IQCM: variants seen among roughly 807,000 people sequenced by gnomAD.
The protein encoded by IQCM is IQ motif containing M, also known as IQ domain-containing protein M.
Under a neutral mutation model 57.6 loss-of-function variants are expected in IQCM, and 45 were observed. That is an observed-to-expected ratio of 0.78 (90% CI 0.62 to 1.00). The LOEUF (loss-of-function observed/expected upper bound fraction) is 1.00. IQCM is among the 50% of genes least tolerant of loss of function. IQCM has a pLI of 0.00. For missense variants in IQCM, 468 were observed against 511.6 expected (o/e 0.91, Z 0.82); for synonymous variants, 148 against 158.9 (o/e 0.93, Z 0.51).
intron 2 of IQCM, among the ~76,000 whole-genome samples, chr4:149,768,796 G>A (rs1770291510): frequency 6.6e-6 from 1 of 152,058 alleles, no homozygotes; most frequent in Non-Finnish European, 1.5e-5. Flanking sequence ...TTTAGGATAT[G>A]TGAATCCGCT....
In IQCM at chr4:149,487,128, C is replaced by G. The variant is rs1017154291; in HGVS notation, c.1229-53571G>C. 2.0e-5 allele frequency among the ~76,000 whole-genome samples: 3 copies of G among 152,082 alleles called. No homozygotes were observed. The South Asian group carries it at 6.2e-4, about 31-fold the overall frequency. On this transcript the variant is annotated intron_variant, in intron 12 of 13. Transcript: ENST00000636793. ...CTGCTGGTTATTCAAGGCCCAAGAG[C>G]TTTTTAGTCAGCAGGTGATAAATCT...
At chr4:149,502,287 TA>T in intron 12 of IQCM, among the ~76,000 whole-genome samples, 1 of 152,074 alleles carries the variant, frequency 6.6e-6, no homozygotes, top group East Asian at 1.9e-4. Context: ...AATGGATTCT[TA>T]AACCAGAGAT....
intron 12 of IQCM, among the ~76,000 whole-genome samples, chr4:149,541,869 C>T (rs542862845): frequency 1.7e-4 from 26 of 152,152 alleles, no homozygotes; most frequent in African/African-American, 6.0e-4. Context: ...GTTACATATG[C>T]GCTCAGGTGA....
chr4:149,585,203 T>C (rs775203570), intron 9 of IQCM, among the ~76,000 whole-genome samples: 38 of 151,678 alleles, frequency 2.5e-4, no homozygotes, highest in Non-Finnish European at 4.1e-4. Flanking sequence ...CAAAAGTACT[T>C]TAGAAATTAG....
intron 5 of IQCM, among the ~76,000 whole-genome samples, chr4:149,726,142 A>AGAAAGAAAGAGAG (rs10666255): frequency 7.6e-6 from 1 of 131,058 alleles, no homozygotes; most frequent in Non-Finnish European, 1.6e-5. Context: ...AAAGAAAGAA[A>AGAAAGAAAGAGAG]AGAAAGAAAG....
At chr4:149,594,828 T>C (rs1334631068) in intron 8 of IQCM, among the ~76,000 whole-genome samples, 1 of 152,184 alleles carries the variant, frequency 6.6e-6, no homozygotes, top group Non-Finnish European at 1.5e-5. Flanking sequence ...AGACAGTTTG[T>C]TGTAATTTCT....
At chr4:149,625,803 C>T (rs186509288) in intron 7 of IQCM, among the ~76,000 whole-genome samples, 5 of 152,232 alleles carry the variant, frequency 3.3e-5, no homozygotes, top group Admixed American at 3.3e-4. Context: ...TCAATTCTTG[C>T]AGCTTAAAAT....
chr4:149,697,025 G>T (rs78579746), intron 5 of IQCM, among the ~76,000 whole-genome samples: 3,849 of 152,186 alleles, frequency 0.025, 122 homozygotes, highest in South Asian at 0.14. Flanking sequence ...GTCCATCCTA[G>T]AGAATAGAGG....
chr4:149,698,658 T>C (rs983550), intron 5 of IQCM, among the ~76,000 whole-genome samples: 32,226 of 152,034 alleles, frequency 0.21, 4,267 homozygotes, highest in Non-Finnish European at 0.28. Flanking sequence ...ACAACTCTAA[T>C]AAAGACAATG....
At position 149,796,181 on chromosome 4, in the gene IQCM, T is replaced by C. The variant is rs903082449; in HGVS notation, c.-49+19130A>G. Among the ~76,000 whole-genome samples, 4 of 152,116 alleles carry C rather than the reference T, an allele frequency of 2.6e-5. No individual in the cohort carries two copies. The East Asian group carries it at 7.7e-4, about 29-fold the overall frequency. ...GCCCTGGGGACAGAGGGGAGCCCAC[T>C]CCCTTGAAGGGGTGAGATCCAAGAC... On this transcript the variant is annotated intron_variant, in intron 2 of 13. Transcript: ENST00000636793.
chr4:149,511,608 C>T (rs191177603), intron 12 of IQCM, among the ~76,000 whole-genome samples: 2 of 151,752 alleles, frequency 1.3e-5, no homozygotes, highest in Non-Finnish European at 2.9e-5. Context: ...CGTGAGATCT[C>T]CAGTTTGGGT....
intron 13 of IQCM, among the ~76,000 whole-genome samples, chr4:149,404,534 C>T (rs1269224250): frequency 6.6e-6 from 1 of 151,952 alleles, no homozygotes; most frequent in Non-Finnish European, 1.5e-5. Context: ...TGAAAAGTTT[C>T]AATACATGAA....
chr4:149,629,746 A>G (rs1045113662), intron 7 of IQCM, among the ~76,000 whole-genome samples: 6 of 152,152 alleles, frequency 3.9e-5, no homozygotes, highest in African/African-American at 1.4e-4. Flanking sequence ...AAATTATGTT[A>G]AAATTAGGAG....
rs376169803 is a variant in IQCM at position 149,750,765 on chromosome 4, T to C, written c.-48-8026A>G. On this transcript the variant is annotated intron_variant, in intron 2 of 13. Transcript: ENST00000636793. ...ATTTATAAAGCATTCCCCGCTGAGATGTTTGGGACACTATGTTAACAGTTA... is the reference window on the plus strand; with the variant it reads ...ATTTATAAAGCATTCCCCGCTGAGACGTTTGGGACACTATGTTAACAGTTA... Among the ~76,000 whole-genome samples, 20 of 152,210 alleles carry C rather than the reference T, an allele frequency of 1.3e-4. 1 individual carries two copies. The highest frequency in any genetic ancestry group is 9.8e-4 in the Admixed American group (15 of 15,272).
chr4:149,550,189 A>G (rs527696193), intron 11 of IQCM, among the ~76,000 whole-genome samples: 11 of 152,336 alleles, frequency 7.2e-5, no homozygotes, highest in African/African-American at 2.6e-4. Context: ...ATAAAGACCC[A>G]GCACTCAAGG....
Position 149,686,382 on chromosome 4 carries a change from A to T in IQCM, c.472T>A (p.Ser158Thr). 2 of 1,200,224 alleles carry T rather than the reference A, an allele frequency of 1.7e-6. No individual in the cohort carries two copies. Among genetic ancestry groups the T allele is most frequent in the Non-Finnish European group, 2.1e-6 (2 of 959,386 alleles). The allele number at this position is 1,200,224 out of a possible 1,614,324, so 74.3% of individuals were successfully genotyped here. A position where few individuals can be genotyped will look rare whatever the true frequency, so the allele number is the denominator to read the frequency against. The change falls in exon 6 of 14, where the codon TCC (serine) becomes ACC (threonine). Residue 158 changes from serine (S) to threonine (T), a missense_variant. Ser to Thr is a moderately conservative substitution (Grantham distance 58). Coordinates refer to ENST00000636793, the MANE Select transcript of IQCM (RefSeq NM_001363507.2). Reference protein sequence around the residue: ...ETAKQQHFEESRNRMLELLYP... With the variant: ...ETAKQQHFEETRNRMLELLYP... ...GGTTAGCTAATTATACATTACCTGG[A>T]CTCCTCAAAGTGCTGTTGCTTTGCT...
At chr4:149,639,425 T>TAA (rs1284156035) in intron 7 of IQCM, among the ~76,000 whole-genome samples, 5 of 120,416 alleles carry the variant, frequency 4.2e-5, no homozygotes, top group Admixed American at 8.8e-5. Flanking sequence ...GATCCTGTCT[T>TAA]AAAAAAAAAA....
chr4:149,435,351 C>T (rs1735255487), intron 12 of IQCM, among the ~76,000 whole-genome samples: 4 of 151,978 alleles, frequency 2.6e-5, no homozygotes, highest in Admixed American at 2.6e-4. Context: ...GCTAAAATGC[C>T]TAGTGAAGTC....
intron 13 of IQCM, among the ~76,000 whole-genome samples, chr4:149,399,712 G>A (rs1349781806): frequency 2.2e-4 from 34 of 152,198 alleles, no homozygotes; most frequent in Non-Finnish European, 4.4e-5. Flanking sequence ...TGCTCTGAAT[G>A]CAACTTCTGG....
Sources: gnomAD v4.1 joint callset for allele counts (sites outside exome capture counted in the v4.1 genomes callset) on GRCh38, gnomAD v4.1.1 for gene constraint, MANE v1.5 for transcripts, NCBI Gene and HGNC (gene_info 2026-07-23, HGNC 2026-07-21) for gene names.